FMNL1: variants seen among roughly 807,000 people sequenced by gnomAD.
The protein encoded by FMNL1 is formin-like protein 1.
A neutral mutation model predicts 121.3 loss-of-function variants in FMNL1; 43 were observed. The observed-to-expected ratio is 0.35, with a 90% CI of 0.28 to 0.46. The LOEUF is 0.46. FMNL1 is among the 20% of genes least tolerant of loss of function. The pLI, the probability that FMNL1 is intolerant of heterozygous loss-of-function variation, is 1.00. For synonymous variants in FMNL1, 613 were observed against 613.5 expected (o/e 1.00, Z 0.01); for missense variants, 1,191 against 1,482.4 (o/e 0.80, Z 3.23).
chr17:45,247,079 G>T lies in FMNL1; in HGVS notation c.*221G>T. On this transcript the variant is annotated 3_prime_UTR_variant, in exon 27 of 27. Coordinates refer to ENST00000331495, the MANE Select transcript of FMNL1 (RefSeq NM_005892.4). Reference sequence around the variant, plus strand: ...GGCCGGGCAGCCCCTCCTCCGCTGTGGCCCGCCTCAAACGGGCTGGTGCAT... The same window carrying T: ...GGCCGGGCAGCCCCTCCTCCGCTGTTGCCCGCCTCAAACGGGCTGGTGCAT... 3 of 617,106 alleles carry T rather than the reference G, an allele frequency of 4.9e-6. No individual in the cohort carries two copies. Among genetic ancestry groups the T allele is most frequent in the Non-Finnish European group, 5.9e-6 (2 of 338,468 alleles). 38.2% of individuals were successfully genotyped at this position (617,106 alleles called of 1,614,324 possible).
At position 45,241,448 on chromosome 17, in the gene FMNL1, C is replaced by A; in HGVS notation, c.1399C>A (p.Pro467Thr). 6.4e-7 allele frequency: 1 copy of A among 1,564,770 alleles called. No homozygotes were observed. The highest frequency in any genetic ancestry group is 1.4e-5 in the African/African-American group (1 of 73,970). ...RRPPEPEKAP[P>T]AAPTRPSALE... ...TCCCCCAGAGCCTGAGAAAGCGCCT[C>A]CCGCTGCCCCGACGCGGCCCTCGGC... Residue 467 changes from proline (P) to threonine (T), a missense_variant, in exon 14 of 27, where the codon CCC (proline) becomes ACC (threonine). Around this residue, in one of 4 missense-constraint regions of FMNL1, gnomAD observed 519 missense variants for 492.8 expected, o/e 1.05. Coordinates refer to ENST00000331495, the MANE Select transcript of FMNL1 (RefSeq NM_005892.4). The surrounding 1 kb of genome is among the most constrained non-coding windows in gnomAD (Gnocchi z 7.0).
Position 45,237,447 on chromosome 17 carries a change from C to T in FMNL1, c.800+90C>T. 1 of 1,606,394 alleles carries T rather than the reference C, an allele frequency of 6.2e-7. No homozygotes were observed. The highest frequency in any genetic ancestry group is 8.5e-7 in the Non-Finnish European group (1 of 1,173,072). On this transcript the variant is annotated intron_variant, in intron 8 of 26. Transcript: ENST00000331495. This position sits in a 1 kb window ranked among gnomAD's most constrained non-coding sequence, Gnocchi z 4.4. Reference sequence around the variant, plus strand: ...CTCTGTCCTCCAGGTCTCAGAGGCTCATTCTGCACCCACTATGCTCCTCCT... The same window carrying T: ...CTCTGTCCTCCAGGTCTCAGAGGCTTATTCTGCACCCACTATGCTCCTCCT...
Position 45,237,211 on chromosome 17 carries a change from C to G in FMNL1, c.724-70C>G, listed in dbSNP as rs1397722860. ...CCTAAACTCGAGGGCAGTTAAAGAT[C>G]CACGTGGCGTGGGTGCCTGAAGTCC... On this transcript the variant is annotated intron_variant, in intron 7 of 26. Coordinates refer to ENST00000331495, the MANE Select transcript of FMNL1 (RefSeq NM_005892.4). This position sits in a 1 kb window ranked among gnomAD's most constrained non-coding sequence, Gnocchi z 4.4. 2 of 1,445,074 alleles carry G rather than the reference C, an allele frequency of 1.4e-6. No homozygotes were observed. Among genetic ancestry groups the G allele is most frequent in the African/African-American group, 2.8e-5 (2 of 71,286 alleles). The allele number at this position is 1,445,074 out of a possible 1,614,324, so 89.5% of individuals were successfully genotyped here.
At position 45,245,059 on chromosome 17, in the gene FMNL1, A is replaced by G; in HGVS notation, c.2679A>G (p.Gln893=). ...AGGTCATTGCTGAGAAGTACCCGCA[A>G]CTCACAGGCTTCCACAGCGACCTGC... ...LVKVIAEKYP[Q]LTGFHSDLHF... The change falls in exon 21 of 27, where the codon CAA becomes CAG. Residue 893 remains glutamine, a synonymous_variant. Transcript: ENST00000331495. 6.2e-7 allele frequency: 1 copy of G among 1,614,142 alleles called. No homozygotes were observed. Among genetic ancestry groups the G allele is most frequent in the African/African-American group, 1.3e-5 (1 of 75,016 alleles).
rs1163050461 is a variant in FMNL1 at position 45,241,980 on chromosome 17, GC to G, written c.1724del (p.Pro575ArgfsTer45). On this transcript the variant is annotated frameshift_variant, in exon 15 of 27. Transcript: ENST00000331495. LOFTEE classifies it high-confidence loss of function. The surrounding 1 kb of genome is among the most constrained non-coding windows in gnomAD (Gnocchi z 7.0). ...CCCCGCCTCTCCCTGGCAGCCCGGA[GC>G]CCCCGCCTGCGCCGCCGCTGCCCGG... ...QAPPLPGSPE[P>X]PPAPPLPGDL... 4.6e-6 allele frequency: 6 copies of G among 1,306,186 alleles called. No individual in the cohort carries two copies. The South Asian group carries it at 5.9e-5, about 13-fold the overall frequency. 80.9% of individuals were successfully genotyped at this position (1,306,186 alleles called of 1,614,324 possible). A position where few individuals can be genotyped will look rare whatever the true frequency, so the allele number is the denominator to read the frequency against.
chr17:45,242,562 C>G, intron 16 of FMNL1, 97 bp downstream of exon 16: 2 of 1,502,312 alleles, frequency 1.3e-6, no homozygotes, highest in Non-Finnish European at 1.8e-6. Flanking sequence ...TTCTCCAAGC[C>G]ATTTCACAGA....
At chr17:45,244,765 A>G (rs1475717376) in intron 19 of FMNL1, 54 bp from the exon 20 acceptor site, 3 of 1,556,550 alleles carry the variant, frequency 1.9e-6, no homozygotes, top group African/African-American at 2.7e-5. Context: ...CAATATGCTT[A>G]AGCGGTGTCC....
Position 45,233,949 on chromosome 17 carries a change from C to G in FMNL1, c.486-123C>G. 1 of 1,434,046 alleles carries G rather than the reference C, an allele frequency of 7.0e-7. No individual in the cohort carries two copies. The highest frequency in any genetic ancestry group is 9.4e-7 in the Non-Finnish European group (1 of 1,068,814). 88.8% of individuals were successfully genotyped at this position (1,434,046 alleles called of 1,614,324 possible). Reference sequence around the variant, plus strand: ...ACTATGTTCAGCACAGTGCCAAGAACACAGCCTCCTCCTCCTGCTCCTTAG... The same window carrying G: ...ACTATGTTCAGCACAGTGCCAAGAAGACAGCCTCCTCCTCCTGCTCCTTAG... On this transcript the variant is annotated intron_variant, in intron 5 of 26. Coordinates refer to ENST00000331495, the MANE Select transcript of FMNL1 (RefSeq NM_005892.4). This position sits in a 1 kb window ranked among gnomAD's most constrained non-coding sequence, Gnocchi z 4.1.
intron 10 of FMNL1, 148 bp downstream of exon 10, chr17:45,238,786 G>C: frequency 8.6e-7 from 1 of 1,160,090 alleles, no homozygotes; most frequent in East Asian, 2.4e-5. Flanking sequence ...GATGTTGGCA[G>C]GGGGCTGGAT....
chr17:45,244,785 G>A (rs1490354910), intron 19 of FMNL1, 34 bp from the exon 20 acceptor site: 1 of 1,591,234 alleles, frequency 6.3e-7, no homozygotes. Flanking sequence ...CTCAGCTCTG[G>A]CATTCTGCTG....
chr17:45,244,854 C>A lies in FMNL1; in HGVS notation c.2553C>A (p.Ser851Arg). The change falls in exon 20 of 27, where the codon AGC becomes AGA. Residue 851 changes from serine to arginine, a missense_variant. Physicochemically the swap from Ser to Arg is moderately radical, Grantham distance 110. This residue lies in a region of FMNL1 where 367 missense variants were observed against 528.6 expected (regional missense o/e 0.69). Transcript: ENST00000331495. ...CCTTTGGCAACTACATGAACAGTAG[C>A]AAGCGTGGGGCAGCCTATGGCTTCC... ...VLAFGNYMNS[S>R]KRGAAYGFRL... 6.2e-7 allele frequency: 1 copy of A among 1,613,880 alleles called. No homozygotes were observed. Among genetic ancestry groups the A allele is most frequent in the Non-Finnish European group, 8.5e-7 (1 of 1,179,878 alleles).
intron 25 of FMNL1, 23 bp from the exon 26 acceptor site, chr17:45,246,482 T>G: frequency 6.2e-7 from 1 of 1,613,982 alleles, no homozygotes; most frequent in African/African-American, 1.3e-5. Context: ...CTACTCCCCT[T>G]CACCTGCCCC....
At chr17:45,236,763 T>G (rs2043559510) in intron 7 of FMNL1, among the ~76,000 whole-genome samples, 1 of 151,678 alleles carries the variant, frequency 6.6e-6, no homozygotes, top group African/African-American at 2.4e-5. Context: ...GAATTTGAGA[T>G]CAGCCTGGGC....
In FMNL1 at chr17:45,237,593, G is replaced by A. The variant is rs1335511245; in HGVS notation, c.848G>A (p.Arg283Gln). 1.9e-6 allele frequency: 3 copies of A among 1,614,038 alleles called. No individual in the cohort carries two copies. Among genetic ancestry groups the A allele is most frequent in the South Asian group, 1.1e-5 (1 of 91,080 alleles). ...CTGCTGGCGGCCGTGTGCTTGGTGC[G>A]GGGAGGACATGACATCATCCTTGCA... ...LELLAAVCLV[R>Q]GGHDIILAAF... Residue 283 changes from arginine to glutamine, a missense_variant, in exon 9 of 27, where the codon CGG becomes CAG. This residue lies in a region of FMNL1 where 253 missense variants were observed against 417.5 expected (regional missense o/e 0.61). Transcript: ENST00000331495. This position sits in a 1 kb window ranked among gnomAD's most constrained non-coding sequence, Gnocchi z 4.4.
intron 17 of FMNL1, 45 bp downstream of exon 17, chr17:45,243,365 C>T: frequency 3.7e-6 from 6 of 1,600,454 alleles, no homozygotes; most frequent in Non-Finnish European, 5.1e-6. Context: ...GGCCCCTTTG[C>T]TAGGCTGGGG....
chr17:45,238,743 C>T (rs956814791), intron 10 of FMNL1, 105 bp downstream of exon 10: 13 of 1,420,736 alleles, frequency 9.2e-6, no homozygotes, highest in Middle Eastern at 1.8e-4. Context: ...CCCCGCAAAG[C>T]GTAAGGACTG....
intron 10 of FMNL1, 85 bp downstream of exon 10, chr17:45,238,723 T>C: frequency 6.5e-7 from 1 of 1,528,630 alleles, no homozygotes; most frequent in African/African-American, 1.4e-5. Flanking sequence ...TGCTGGGCAA[T>C]GGGCTCTGCC....
chr17:45,244,723 C>G, intron 19 of FMNL1, 96 bp from the exon 20 acceptor site: 1 of 1,300,070 alleles, frequency 7.7e-7, no homozygotes, highest in Non-Finnish European at 1.1e-6. Flanking sequence ...GTGTGTGGGG[C>G]CTGCTCCTTG....
chr17:45,228,978 G>A (rs11079493), intron 1 of FMNL1, among the ~76,000 whole-genome samples: 4 of 151,964 alleles, frequency 2.6e-5, no homozygotes, highest in East Asian at 1.9e-4. Context: ...AGACATCATC[G>A]AGAGAGACAG....
Sources: gnomAD v4.1 joint callset for allele counts (sites outside exome capture counted in the v4.1 genomes callset) on GRCh38, gnomAD v4.1.1 for gene constraint, gnomAD v4.1.1 regional missense constraint, Gnocchi (gnomAD v3.1) non-coding constraint, MANE v1.5 for transcripts, NCBI Gene and HGNC (gene_info 2026-07-23, HGNC 2026-07-21) for gene names.